ANKDD1A: variants seen among roughly 807,000 people sequenced by gnomAD.
The protein encoded by ANKDD1A is ankyrin repeat and death domain-containing protein 1A.
A neutral mutation model predicts 63.5 loss-of-function variants in ANKDD1A; 59 were observed. The ratio of observed to expected loss-of-function variants is 0.93; its 90% CI spans 0.75 to 1.15. The LOEUF is 1.15. Among genes scored for constraint, ANKDD1A ranks in the 50% most tolerant of loss-of-function variants. The pLI is 0.00. For synonymous variants in ANKDD1A, 266 were observed against 263.9 expected, an observed-to-expected ratio of 1.01 and a Z score of -0.08; for missense variants, 632 against 656.4, an observed-to-expected ratio of 0.96 and a Z score of 0.41.
chr15:64,954,432 C>T (rs1347532434), intron 14 of ANKDD1A, among the ~76,000 whole-genome samples: 3 of 139,318 alleles, frequency 2.2e-5, no homozygotes, highest in Admixed American at 7.3e-5. Context: ...CTCCTTCGTT[C>T]GTCGTCTTCT....
At chr15:64,914,910 C>T (rs923859563) in intron 1 of ANKDD1A, among the ~76,000 whole-genome samples, 32 of 152,204 alleles carry the variant, frequency 2.1e-4, no homozygotes, top group Admixed American at 7.2e-4. Context: ...AAAGGTGCAG[C>T]GATGGGGGTG....
At chr15:64,922,143 C>T (rs939917988) in intron 4 of ANKDD1A, 124 bp downstream of exon 4, 17 of 754,758 alleles carry the variant, frequency 2.3e-5, no homozygotes, top group Admixed American at 1.7e-4. Context: ...TCTGCCTGTC[C>T]CTCTTTCATC....
chr15:64,951,447 CCT>C (rs2085274307), intron 14 of ANKDD1A: 1 of 58,222 alleles, frequency 1.7e-5, no homozygotes, highest in African/African-American at 6.3e-5. Flanking sequence ...TTTCTTCTTC[CCT>C]TTCTTTTCTT....
chr15:64,956,395 A>C (rs1190048953), intron 14 of ANKDD1A, among the ~76,000 whole-genome samples: 2 of 152,046 alleles, frequency 1.3e-5, no homozygotes, highest in Non-Finnish European at 2.9e-5. Flanking sequence ...TAAAAATACA[A>C]AAAATTAGCC....
At chr15:64,931,632 C>T (rs2085092572) in intron 8 of ANKDD1A, 47 bp downstream of exon 8, 1 of 1,592,382 alleles carries the variant, frequency 6.3e-7, no homozygotes, top group East Asian at 2.2e-5. Flanking sequence ...GCTGCTGAGC[C>T]ATAGCCATGT....
intron 4 of ANKDD1A, among the ~76,000 whole-genome samples, 177 bp from the exon 5 acceptor site, chr15:64,925,889 C>G (rs1312128783): frequency 6.6e-6 from 1 of 152,098 alleles, no homozygotes; most frequent in Non-Finnish European, 1.5e-5. Flanking sequence ...GCCAGCCCCC[C>G]TAAGGCTAAG....
intron 9 of ANKDD1A, among the ~76,000 whole-genome samples, chr15:64,941,287 G>A (rs115593155): frequency 1.3e-5 from 2 of 152,268 alleles, no homozygotes; most frequent in South Asian, 2.1e-4. Context: ...TTGCGGGGGA[G>A]CGGTGTCCTA....
intron 3 of ANKDD1A, among the ~76,000 whole-genome samples, chr15:64,920,899 G>A (rs1410575022): frequency 6.6e-6 from 1 of 152,110 alleles, no homozygotes; most frequent in Non-Finnish European, 1.5e-5. Context: ...CCAGGATAAG[G>A]TCTTCACCAG....
rs2085357861 is a variant in ANKDD1A at position 64,953,735 on chromosome 15, CT to C, written c.1484-3366del. Among the ~76,000 whole-genome samples the C allele has an allele frequency of 3.1e-4, 9 of 29,012 alleles. No individual in the cohort carries two copies. In the East Asian group the frequency reaches 0.02, roughly 65 times the overall value. The allele number at this position is 29,012 out of a possible 152,430, so 19.0% of individuals were successfully genotyped here. A position where few individuals can be genotyped will look rare whatever the true frequency, so the allele number is the denominator to read the frequency against. ...CCTTGTTCTTCTCCTTCTTCTCCTCCTTCTTCTTTCCTCTTTTCTTCGTTCT... is the reference window on the plus strand; with the variant it reads ...CCTTGTTCTTCTCCTTCTTCTCCTCCTCTTCTTTCCTCTTTTCTTCGTTCT... On this transcript the variant is annotated intron_variant, in intron 14 of 14. Transcript: ENST00000319580.
chr15:64,943,434 G>A, intron 10 of ANKDD1A, 50 bp from the exon 11 acceptor site: 1 of 1,507,156 alleles, frequency 6.6e-7, no homozygotes. Context: ...AGGGTAGTGG[G>A]CCACCCCTAC....
chr15:64,955,048 T>TTTCTTCTTCTTCTTTCTTTCTTTCTTTC (rs151136818), intron 14 of ANKDD1A, among the ~76,000 whole-genome samples: 2 of 129,328 alleles, frequency 1.5e-5, no homozygotes, highest in Non-Finnish European at 3.6e-5. Context: ...TCTTTCTTTC[T>TTTCTTCTTCTTCTTTCTTTCTTTCTTTC]TTCTTCTTCT....
chr15:64,952,260 CCTTCTCCTTCTTT>C (rs971787629), intron 14 of ANKDD1A, among the ~76,000 whole-genome samples: 11 of 146,992 alleles, frequency 7.5e-5, no homozygotes, highest in South Asian at 2.1e-4. Context: ...TCTCCTTCTT[CCTTCTCCTTCTTT>C]TTCTTCTTCC....
chr15:64,938,347 A>C (rs937963053), intron 9 of ANKDD1A, among the ~76,000 whole-genome samples: 1 of 152,206 alleles, frequency 6.6e-6, no homozygotes, highest in Non-Finnish European at 1.5e-5. Context: ...CAGGTGGTCA[A>C]GGCCAACATC....
intron 13 of ANKDD1A, among the ~76,000 whole-genome samples, chr15:64,949,100 G>A (rs1025356168): frequency 3.9e-5 from 6 of 152,238 alleles, no homozygotes; most frequent in Non-Finnish European, 8.8e-5. Context: ...AGGTCAGAGG[G>A]GCGAATGGAG....
chr15:64,918,807 A>T (rs1239816795), intron 3 of ANKDD1A, among the ~76,000 whole-genome samples: 1 of 152,040 alleles, frequency 6.6e-6, no homozygotes, highest in African/African-American at 2.4e-5. Flanking sequence ...TACAAAAATT[A>T]GCTGGGTGTG....
At chr15:64,936,510 C>T (rs10152128) in intron 9 of ANKDD1A, among the ~76,000 whole-genome samples, 73,834 of 151,966 alleles carry the variant, frequency 0.49, 19,521 homozygotes, top group Non-Finnish European at 0.61. Context: ...AAGTAACTTG[C>T]TGGTAGTAAC....
chr15:64,938,944 CAAAA>C (rs34151661), intron 9 of ANKDD1A, among the ~76,000 whole-genome samples: 3 of 132,788 alleles, frequency 2.3e-5, no homozygotes, highest in Non-Finnish European at 3.3e-5. Flanking sequence ...GACTCCATCT[CAAAA>C]AAAAAAAAAA....
rs975459204 is a variant in ANKDD1A, at chr15:64,958,571, T to A, written c.*1383T>A. On this transcript the variant is annotated 3_prime_UTR_variant, in exon 15 of 15. Transcript: ENST00000319580. ...TAAATCATCTATTCCTTGGGAAAGG[T>A]ATTTTGTACCATATGGGACTGAAAT... is the stretch of plus-strand genomic sequence containing the variant. The A allele has an allele frequency of 2.6e-4, 40 of 152,298 alleles. 1 individual carries two copies. The highest frequency in any genetic ancestry group is 3.4e-3 in the Middle Eastern group (1 of 294). The allele number at this position is 152,298 out of a possible 1,614,324, so 9.4% of individuals were successfully genotyped here.
intron 4 of ANKDD1A, among the ~76,000 whole-genome samples, chr15:64,925,001 CAGATT>C (rs2085035077): frequency 6.6e-6 from 1 of 151,274 alleles, no homozygotes; most frequent in South Asian, 2.1e-4. Flanking sequence ...CCGAGGCAGG[CAGATT>C]GCCTGAGTTC....
Sources: allele counts gnomAD v4.1 joint callset (sites outside exome capture counted in the v4.1 genomes callset), GRCh38; gene constraint gnomAD v4.1.1; transcripts MANE v1.5; gene names NCBI Gene and HGNC (gene_info 2026-07-23, HGNC 2026-07-21).